Variants in ATP10B observed in about 807,000 individuals in gnomAD.
The protein encoded by ATP10B is phospholipid-transporting ATPase VB.
A neutral mutation model predicts 141.2 loss-of-function variants in ATP10B; 122 were observed. The ratio of observed to expected loss-of-function variants is 0.86; its 90% CI spans 0.75 to 1.00. The LOEUF (loss-of-function observed/expected upper bound fraction) is 1.00. ATP10B is among the 50% of genes least tolerant of loss of function. The probability of loss-of-function intolerance (pLI) is 0.00; values close to 1 mark genes in which losing one functional copy is unlikely to be tolerated. For missense variants in ATP10B, 1,876 were observed against 1,825.3 expected (o/e 1.03, Z -0.51); for synonymous variants, 685 against 692.0 (o/e 0.99, Z 0.16).
rs1426918920 is a variant in ATP10B, at chr5:160,620,815, T to C, written c.1948A>G (p.Ser650Gly). The change falls in exon 15 of 26, where the codon AGC becomes GGC. Residue 650 changes from serine (S) to glycine (G), a missense_variant. Transcript: ENST00000327245. The part of the protein sequence containing the change: ...TAPSDTDLGE[S>G]LGANVATTDS... ...GTGGTGGCCACGTTGGCCCCTAAGC[T>C]CTCCCCGAGGTCTGTGTCAGAGGGT... 1 of 1,614,080 alleles carries C rather than the reference T, an allele frequency of 6.2e-7. No individual in the cohort carries two copies. The highest frequency in any genetic ancestry group is 8.5e-7 in the Non-Finnish European group (1 of 1,180,026).
upstream of ATP10B, among the ~76,000 whole-genome samples, chr5:160,852,914 A>AG (rs1753880398): frequency 6.6e-6 from 1 of 151,878 alleles, no homozygotes; most frequent in Admixed American, 6.6e-5. Flanking sequence ...AGTAAAAAAA[A>AG]GAAATATTAC....
At chr5:160,774,059 G>A (rs913501220) in intron 2 of ATP10B, among the ~76,000 whole-genome samples, 2 of 152,152 alleles carry the variant, frequency 1.3e-5, no homozygotes, top group Admixed American at 6.5e-5. Flanking sequence ...GTTTTCCTCT[G>A]CAGGTAGGAA....
the ATP10B span, among the ~76,000 whole-genome samples, chr5:160,895,074 C>T: frequency 1.3e-5 from 2 of 152,130 alleles, no homozygotes; most frequent in African/African-American, 2.4e-5. Flanking sequence ...TGGAAAGTAA[C>T]AACCGGTACC....
At chr5:160,878,890 G>GT in the ATP10B span, among the ~76,000 whole-genome samples, 1 of 147,842 alleles carries the variant, frequency 6.8e-6, no homozygotes, top group Non-Finnish European at 1.5e-5. Flanking sequence ...GAAACAACAG[G>GT]TGCTGGAGAG....
At chr5:160,891,041 CTG>C in the ATP10B span, among the ~76,000 whole-genome samples, 34 of 152,004 alleles carry the variant, frequency 2.2e-4, no homozygotes, top group Middle Eastern at 0.01. Flanking sequence ...GTTTGAATAA[CTG>C]TTTTTAATTC....
rs181160068 is a variant in ATP10B at position 160,612,981 on chromosome 5, A to C, written c.2654-56T>G. Reference sequence around the variant, plus strand: ...TTTATCGTAAAAGAGTAGTTGCTTAATTCCCCCAAAGCCATGTGAAGCCAG... The same window carrying C: ...TTTATCGTAAAAGAGTAGTTGCTTACTTCCCCCAAAGCCATGTGAAGCCAG... On this transcript the variant is annotated intron_variant, in intron 17 of 25. Coordinates refer to ENST00000327245, the MANE Select transcript of ATP10B (RefSeq NM_025153.3). 4,464 of 1,522,572 alleles carry C rather than the reference A, an allele frequency of 2.9e-3. 36 individuals are homozygous for C. The highest frequency in any genetic ancestry group is 3.0e-3 in the Non-Finnish European group (3,364 of 1,127,324). 94.3% of individuals were successfully genotyped at this position (1,522,572 alleles called of 1,614,324 possible). A position where few individuals can be genotyped will look rare whatever the true frequency, so the allele number is the denominator to read the frequency against.
chr5:160,634,012 T>C, intron 12 of ATP10B: 1 of 387,446 alleles, frequency 2.6e-6, no homozygotes, highest in Admixed American at 3.7e-5. Context: ...TCCTAAGCCT[T>C]GGTTGTGTGA....
chr5:160,673,735 A>T (rs1434384613), intron 6 of ATP10B, among the ~76,000 whole-genome samples: 1 of 86,318 alleles, frequency 1.2e-5, no homozygotes, highest in Non-Finnish European at 3.1e-5. Context: ...CCATTGTAAC[A>T]GTCAAACACC....
chr5:160,646,604 C>T (rs1350982672), intron 8 of ATP10B, among the ~76,000 whole-genome samples: 1 of 152,186 alleles, frequency 6.6e-6, no homozygotes, highest in Non-Finnish European at 1.5e-5. Context: ...CCCACCATTG[C>T]TCCTTCTGTT....
At chr5:160,640,637 C>A in intron 9 of ATP10B, 45 bp from the exon 10 acceptor site, 1 of 1,609,398 alleles carries the variant, frequency 6.2e-7, no homozygotes, top group African/African-American at 1.3e-5. Context: ...TCCTGTTTGC[C>A]TATGTCTTAC....
intron 2 of ATP10B, among the ~76,000 whole-genome samples, chr5:160,733,129 T>C (rs1766854905): frequency 6.6e-6 from 1 of 152,240 alleles, no homozygotes; most frequent in African/African-American, 2.4e-5. Context: ...CTGAAATTTC[T>C]TTCAACTGTG....
At chr5:160,693,703 T>C (rs1419376090) in intron 3 of ATP10B, among the ~76,000 whole-genome samples, 1 of 152,148 alleles carries the variant, frequency 6.6e-6, no homozygotes, top group Non-Finnish European at 1.5e-5. Flanking sequence ...AGTTTTGGGA[T>C]GAAACTGTTC....
chr5:160,900,625 A>G, the ATP10B span, among the ~76,000 whole-genome samples: 1 of 152,200 alleles, frequency 6.6e-6, no homozygotes, highest in Admixed American at 6.5e-5. Context: ...AAATGTATTT[A>G]ATGTAGAAGT....
intron 18 of ATP10B, among the ~76,000 whole-genome samples, chr5:160,611,592 G>T (rs117348814): frequency 1.3e-5 from 2 of 150,772 alleles, no homozygotes; most frequent in Admixed American, 6.6e-5. Flanking sequence ...TCATCTAAAG[G>T]TCCTCTGGCA....
intron 24 of ATP10B, among the ~76,000 whole-genome samples, chr5:160,578,799 TC>T (rs1419876910): frequency 1.3e-5 from 2 of 152,224 alleles, no homozygotes; most frequent in African/African-American, 4.8e-5. Context: ...TAATTTACAC[TC>T]CCACCAACAG....
intron 1 of ATP10B, among the ~76,000 whole-genome samples, chr5:160,796,163 T>G (rs1178276246): frequency 6.6e-6 from 1 of 152,198 alleles, no homozygotes; most frequent in Non-Finnish European, 1.5e-5. Flanking sequence ...CAAAGCATTC[T>G]TAAGAATTTA....
chr5:160,584,321 A>G (rs1248157093), intron 24 of ATP10B, among the ~76,000 whole-genome samples: 1 of 151,740 alleles, frequency 6.6e-6, no homozygotes, highest in Non-Finnish European at 1.5e-5. Context: ...CGGGTGAGGC[A>G]ATGCCCCACC....
chr5:160,773,985 G>GGA (rs1001245665), intron 2 of ATP10B, among the ~76,000 whole-genome samples: 1 of 152,104 alleles, frequency 6.6e-6, no homozygotes, highest in African/African-American at 2.4e-5. Context: ...GAGCTTTTGC[G>GGA]GAGTCATCAC....
At chr5:160,641,494 A>G (rs1759863902) in intron 9 of ATP10B, among the ~76,000 whole-genome samples, 1 of 152,226 alleles carries the variant, frequency 6.6e-6, no homozygotes, top group South Asian at 2.1e-4. Flanking sequence ...CTTCTTCTCC[A>G]GTAGGGGAAG....
Sources: allele counts gnomAD v4.1 joint callset (sites outside exome capture counted in the v4.1 genomes callset), GRCh38; gene constraint gnomAD v4.1.1; transcripts MANE v1.5; gene names NCBI Gene and HGNC (gene_info 2026-07-23, HGNC 2026-07-21).